LMX1A: variants seen among roughly 807,000 people sequenced by gnomAD.
The protein encoded by LMX1A is LIM homeobox transcription factor 1 alpha, also known as LIM homeobox transcription factor 1-alpha.
LMX1A carries 15 observed loss-of-function variants against 49.1 expected under a neutral mutation model. The observed-to-expected ratio is 0.31, with a 90% CI of 0.20 to 0.47. LMX1A has a LOEUF of 0.47. LMX1A is among the 20% of genes least tolerant of loss of function. The probability of loss-of-function intolerance (pLI) is 1.00; values close to 1 mark genes in which losing one functional copy is unlikely to be tolerated. For missense variants in LMX1A, 372 were observed against 475.8 expected (o/e 0.78, Z 2.03); for synonymous variants, 167 against 185.7 (o/e 0.90, Z 0.82).
intron 3 of LMX1A, among the ~76,000 whole-genome samples, chr1:165,289,051 A>T (rs1654384741): frequency 6.6e-6 from 1 of 152,112 alleles, no homozygotes; most frequent in Non-Finnish European, 1.5e-5. Context: ...TGTCTTACAA[A>T]ACACCCACAC....
chr1:165,276,620 A>AC (rs1653975380), intron 3 of LMX1A, among the ~76,000 whole-genome samples: 1 of 152,030 alleles, frequency 6.6e-6, no homozygotes, highest in South Asian at 2.1e-4. Context: ...GTCACGTTAG[A>AC]CAGTGCTATA....
chr1:165,256,500 A>G (rs1653246563), intron 3 of LMX1A, among the ~76,000 whole-genome samples: 1 of 152,186 alleles, frequency 6.6e-6, no homozygotes, highest in Admixed American at 6.5e-5. Flanking sequence ...GTCTCCAGAT[A>G]GTGTTTTACC....
At chr1:165,311,510 G>A (rs761806395) in intron 3 of LMX1A, among the ~76,000 whole-genome samples, 2 of 152,176 alleles carry the variant, frequency 1.3e-5, no homozygotes, top group Admixed American at 6.5e-5. Flanking sequence ...CAGCTCACTG[G>A]TTGGCTCTTA....
At chr1:165,314,193 G>A (rs1317128965) in intron 3 of LMX1A, among the ~76,000 whole-genome samples, 2 of 152,204 alleles carry the variant, frequency 1.3e-5, no homozygotes, top group African/African-American at 4.8e-5. Flanking sequence ...GCAGCGGTTG[G>A]GGGAGTGACA....
intron 3 of LMX1A, among the ~76,000 whole-genome samples, chr1:165,266,200 G>A (rs1653613533): frequency 2.6e-5 from 4 of 152,184 alleles, no homozygotes; most frequent in African/African-American, 9.7e-5. Flanking sequence ...GAGTAAAGGA[G>A]GATGAGAAGT....
At chr1:165,301,287 G>C (rs1428852450) in intron 3 of LMX1A, among the ~76,000 whole-genome samples, 3 of 152,164 alleles carry the variant, frequency 2.0e-5, no homozygotes, top group Non-Finnish European at 2.9e-5. Flanking sequence ...CTGTATGGTT[G>C]AATACCTGAT....
intron 3 of LMX1A, among the ~76,000 whole-genome samples, chr1:165,346,083 C>A (rs1469306854): frequency 6.6e-6 from 1 of 152,174 alleles, no homozygotes; most frequent in Non-Finnish European, 1.5e-5. Context: ...CCATTCCCAG[C>A]AAAGCTGGAC....
intron 3 of LMX1A, among the ~76,000 whole-genome samples, chr1:165,346,999 T>C (rs1400276325): frequency 6.6e-6 from 1 of 152,176 alleles, no homozygotes; most frequent in Admixed American, 6.5e-5. Flanking sequence ...TTATTTAATA[T>C]ATGACAAGGA....
At chr1:165,304,438 C>T (rs1243491590) in intron 3 of LMX1A, among the ~76,000 whole-genome samples, 1 of 152,132 alleles carries the variant, frequency 6.6e-6, no homozygotes, top group East Asian at 1.9e-4. Flanking sequence ...CCAAGATATG[C>T]CACTTCTAAA....
At chr1:165,235,529 G>C (rs1293420284) in intron 4 of LMX1A, among the ~76,000 whole-genome samples, 1 of 152,178 alleles carries the variant, frequency 6.6e-6, no homozygotes, top group Non-Finnish European at 1.5e-5. Flanking sequence ...TGGATTTACC[G>C]TGGCATTACT....
chr1:165,345,408 T>C (rs1656210362), intron 3 of LMX1A, among the ~76,000 whole-genome samples: 1 of 151,978 alleles, frequency 6.6e-6, no homozygotes, highest in Non-Finnish European at 1.5e-5. Flanking sequence ...CAGCCAAGAG[T>C]TGAAAATGAG....
chr1:165,338,225 T>C (rs1655961996), intron 3 of LMX1A, among the ~76,000 whole-genome samples: 1 of 152,156 alleles, frequency 6.6e-6, no homozygotes, highest in Non-Finnish European at 1.5e-5. Flanking sequence ...ACTTTATTGA[T>C]GGTGGGCCTT....
intron 3 of LMX1A, among the ~76,000 whole-genome samples, chr1:165,302,641 C>T (rs1317307728): frequency 2.0e-5 from 3 of 152,162 alleles, no homozygotes; most frequent in Non-Finnish European, 2.9e-5. Flanking sequence ...TGTGCCTAAA[C>T]AATCACTTTT....
At chr1:165,215,276 T>C (rs1651602701) in intron 4 of LMX1A, among the ~76,000 whole-genome samples, 1 of 152,194 alleles carries the variant, frequency 6.6e-6, no homozygotes, top group Admixed American at 6.5e-5. Flanking sequence ...ATCACGCCAC[T>C]GTACTCCAGC....
intron 4 of LMX1A, among the ~76,000 whole-genome samples, chr1:165,219,971 A>G (rs1298000084): frequency 2.0e-5 from 3 of 152,334 alleles, no homozygotes; most frequent in East Asian, 1.9e-4. Flanking sequence ...CTGAAAATGA[A>G]TGACACAAAT....
chr1:165,239,310 A>G (rs1285242344), intron 4 of LMX1A, among the ~76,000 whole-genome samples: 7 of 152,218 alleles, frequency 4.6e-5, no homozygotes, highest in Non-Finnish European at 1.0e-4. Flanking sequence ...GAACCTGTAT[A>G]TTGCCTCTAA....
chr1:165,305,327 C>A (rs1284072844), intron 3 of LMX1A, among the ~76,000 whole-genome samples: 1 of 152,084 alleles, frequency 6.6e-6, no homozygotes, highest in East Asian at 1.9e-4. Flanking sequence ...AAATTTATGA[C>A]TGAGCAAAGG....
At chr1:165,330,764 C>T (rs766809702) in intron 3 of LMX1A, among the ~76,000 whole-genome samples, 3 of 152,056 alleles carry the variant, frequency 2.0e-5, no homozygotes, top group African/African-American at 7.2e-5. Flanking sequence ...ACCAGGGCAC[C>T]GAATCTGGGG....
chr1:165,269,008 G>A (rs550963148), intron 3 of LMX1A, among the ~76,000 whole-genome samples: 1 of 152,314 alleles, frequency 6.6e-6, no homozygotes, highest in South Asian at 2.1e-4. Context: ...CTAGAGTCTA[G>A]ACTCATTACC....
Sources: allele counts gnomAD v4.1 joint callset (sites outside exome capture counted in the v4.1 genomes callset), GRCh38; gene constraint gnomAD v4.1.1; transcripts MANE v1.5; gene names NCBI Gene and HGNC (gene_info 2026-07-23, HGNC 2026-07-21).